Variants in LRIG2 observed in about 807,000 individuals in gnomAD.
LRIG2 encodes the protein leucine rich repeats and immunoglobulin like domains 2.
A neutral mutation model predicts 107.8 loss-of-function variants in LRIG2; 93 were observed. That is an observed-to-expected ratio of 0.86 (90% confidence interval 0.73 to 1.03). The LOEUF (loss-of-function observed/expected upper bound fraction) is 1.03. Ranked by LOEUF, LRIG2 falls within the 50% of genes least tolerant of loss-of-function variation. The probability of loss-of-function intolerance (pLI) is 0.00; values close to 1 mark genes in which losing one functional copy is unlikely to be tolerated. For missense variants in LRIG2, 1,226 were observed against 1,296.0 expected (o/e 0.95, Z 0.83); for synonymous variants, 471 against 470.6 (o/e 1.00, Z -0.01).
At chr1:113,104,812 C>T (rs563539767) in intron 11 of LRIG2, among the ~76,000 whole-genome samples, 5 of 152,224 alleles carry the variant, frequency 3.3e-5, no homozygotes, top group African/African-American at 1.2e-4. Flanking sequence ...ATACTGAATG[C>T]CTCCAAAATC....
intron 1 of LRIG2, among the ~76,000 whole-genome samples, chr1:113,081,314 A>G (rs766805231): frequency 1.1e-4 from 16 of 152,164 alleles, no homozygotes; most frequent in Non-Finnish European, 2.2e-4. Flanking sequence ...ATTAATGAGT[A>G]AGTAGTTGCA....
chr1:113,118,779 C>T (rs1232683003), intron 16 of LRIG2, among the ~76,000 whole-genome samples: 1 of 152,144 alleles, frequency 6.6e-6, no homozygotes, highest in Non-Finnish European at 1.5e-5. Flanking sequence ...ATCTTCCTGC[C>T]TCAGCCTCCC....
chr1:113,115,795 G>T (rs1427731015), intron 15 of LRIG2, among the ~76,000 whole-genome samples: 5 of 152,148 alleles, frequency 3.3e-5, no homozygotes, highest in Admixed American at 6.6e-5. Flanking sequence ...CAGAGGGCTG[G>T]GATTACAAGC....
At position 113,109,146 on chromosome 1, in the gene LRIG2, A is replaced by G. The variant is rs151318295; in HGVS notation, c.1478-1096A>G. 4.5e-4 allele frequency among the ~76,000 whole-genome samples: 68 copies of G among 152,330 alleles called. 1 individual carries two copies. In the East Asian group the frequency reaches 0.012, roughly 27 times the overall value. On this transcript the variant is annotated intron_variant, in intron 12 of 17. Coordinates refer to ENST00000361127, the MANE Select transcript of LRIG2 (RefSeq NM_014813.3). ...CTAGTAAAGGTTAAATTCTGCTGAC[A>G]TTGCCGCACATTCCCTTTTTACTTA... is the stretch of plus-strand genomic sequence containing the variant.
chr1:113,078,935 C>A (rs551942981), intron 1 of LRIG2, among the ~76,000 whole-genome samples: 1 of 152,116 alleles, frequency 6.6e-6, no homozygotes, highest in South Asian at 2.1e-4. Flanking sequence ...CCACCACAAC[C>A]GGCCAGAGGA....
In LRIG2 at chr1:113,123,727, T is replaced by TTGTGTGTGTGTG. The variant is rs66524955; in HGVS notation, c.2972-125_2972-114dup. ...AAAGACCATGTTCTGGTGGTGGTTT[T>TTGTGTGTGTGTG]TGTGTGTGTGTGTGTGTGTGTGTGT... On this transcript the variant is annotated intron_variant, in intron 17 of 17. Coordinates refer to ENST00000361127, the MANE Select transcript of LRIG2 (RefSeq NM_014813.3). 1.6e-3 allele frequency: 976 copies of TTGTGTGTGTGTG among 596,986 alleles called. 2 individuals are homozygous for TTGTGTGTGTGTG. The highest frequency in any genetic ancestry group is 5.6e-3 in the African/African-American group (288 of 51,290). 37.0% of individuals were successfully genotyped at this position (596,986 alleles called of 1,614,324 possible).
rs1415488770 is a variant in LRIG2 at position 113,126,994 on chromosome 1, G to A, written c.*2893G>A. The A allele has an allele frequency of 1.3e-5, 2 of 152,632 alleles. No individual in the cohort carries two copies. The highest frequency in any genetic ancestry group is 2.9e-5 in the Non-Finnish European group (2 of 68,040). 9.5% of individuals were successfully genotyped at this position (152,632 alleles called of 1,614,324 possible). ...AGCTGGAAAGTTGTCTGGCTGTTAT[G>A]ACACAGTATTGAAATACCAGACTGA... On this transcript the variant is annotated 3_prime_UTR_variant, in exon 18 of 18. Coordinates refer to ENST00000361127, the MANE Select transcript of LRIG2 (RefSeq NM_014813.3).
rs553607476 is a variant in LRIG2, at chr1:113,115,817, C to G, written c.2531-470C>G. On this transcript the variant is annotated intron_variant, in intron 15 of 17. Transcript: ENST00000361127. ...CTGGGATTACAAGCGTGAGCCACCA[C>G]GCCCGGCCAAACTTTACTTCTAAAA... is the stretch of plus-strand genomic sequence containing the variant. 9.7e-4 allele frequency among the ~76,000 whole-genome samples: 148 copies of G among 152,320 alleles called. 2 individuals are homozygous for G. In the South Asian group the frequency reaches 0.029, roughly 30 times the overall value.
intron 16 of LRIG2, among the ~76,000 whole-genome samples, chr1:113,118,373 T>A (rs1655106552): frequency 6.6e-6 from 1 of 152,258 alleles, no homozygotes; most frequent in South Asian, 2.1e-4. Context: ...GACTTCTCAT[T>A]GTCAGAAGCT....
In LRIG2 at chr1:113,107,587, C is replaced by G. The variant is rs771599378; in HGVS notation, c.1314-7C>G. On this transcript the variant is annotated splice_polypyrimidine_tract_variant and splice_region_variant and intron_variant, in intron 11 of 17. Coordinates refer to ENST00000361127, the MANE Select transcript of LRIG2 (RefSeq NM_014813.3). The stretch of plus-strand genomic sequence containing the variant: ...AAAGGATGCTTTTCCTCTTTTCTTT[C>G]CTGCAGGATTCTGAACACAAGCAGT... 2 of 1,601,564 alleles carry G rather than the reference C, an allele frequency of 1.2e-6. No homozygotes were observed. Among genetic ancestry groups the G allele is most frequent in the African/African-American group, 2.7e-5 (2 of 74,044 alleles).
At chr1:113,108,114 T>C (rs910950602) in intron 12 of LRIG2, among the ~76,000 whole-genome samples, 1 of 152,202 alleles carries the variant, frequency 6.6e-6, no homozygotes, top group Non-Finnish European at 1.5e-5. Context: ...GTTTCATATT[T>C]TTTGTGTGGT....
intron 16 of LRIG2, among the ~76,000 whole-genome samples, chr1:113,118,680 T>C (rs950547037): frequency 6.6e-6 from 1 of 152,078 alleles, no homozygotes; most frequent in African/African-American, 2.4e-5. Context: ...TTTTTTTTTT[T>C]TGGAGACAGA....
chr1:113,115,273 G>A (rs945980309), intron 15 of LRIG2, among the ~76,000 whole-genome samples: 3 of 152,214 alleles, frequency 2.0e-5, no homozygotes, highest in African/African-American at 4.8e-5. Flanking sequence ...AGAGTGTATC[G>A]GTACATTCAT....
At chr1:113,100,715 A>G (rs1654270789) in intron 11 of LRIG2, 1 of 387,756 alleles carries the variant, frequency 2.6e-6, no homozygotes, top group Non-Finnish European at 4.9e-6. Flanking sequence ...TGCCTGTTCT[A>G]CCAATGCTTA....
At chr1:113,105,131 G>A (rs1443252601) in intron 11 of LRIG2, among the ~76,000 whole-genome samples, 1 of 152,100 alleles carries the variant, frequency 6.6e-6, no homozygotes, top group Non-Finnish European at 1.5e-5. Flanking sequence ...GGGTGACAGA[G>A]CAAGACTCTG....
In LRIG2 at chr1:113,112,615, G is replaced by A. The variant is rs142404653; in HGVS notation, c.1935G>A (p.Ala645=). 33 of 1,614,010 alleles carry A rather than the reference G, an allele frequency of 2.0e-5. No homozygotes were observed. Among genetic ancestry groups the A allele is most frequent in the South Asian group, 5.5e-5 (5 of 91,086 alleles). ...AAGATGGTGGTACTGACTTTCCTGC[G>A]GCTCGAGAAAGACGCATGCACGTCA... ...WQKDGGTDFP[A]ARERRMHVMP... The change falls in exon 14 of 18, where the codon GCG becomes GCA. Residue 645 remains alanine (A), a synonymous_variant. Transcript: ENST00000361127.
In LRIG2 at chr1:113,126,406, CT is replaced by C. The variant is rs1480459818; in HGVS notation, c.*2306del. 6.3e-6 allele frequency: 1 copy of C among 157,496 alleles called. No homozygotes were observed. The highest frequency in any genetic ancestry group is 1.4e-5 in the Non-Finnish European group (1 of 70,404). The allele number at this position is 157,496 out of a possible 1,614,324, so 9.8% of individuals were successfully genotyped here. ...GTAAGTGGAACTTTCATTAATACTTCTGTCGCACTTTGTACCTGACCTAGGT... is the reference window on the plus strand; with the variant it reads ...GTAAGTGGAACTTTCATTAATACTTCGTCGCACTTTGTACCTGACCTAGGT... On this transcript the variant is annotated 3_prime_UTR_variant, in exon 18 of 18. Coordinates refer to ENST00000361127, the MANE Select transcript of LRIG2 (RefSeq NM_014813.3).
intron 1 of LRIG2, among the ~76,000 whole-genome samples, chr1:113,082,947 C>CACCTGGCT (rs1209494629): frequency 1.3e-5 from 2 of 151,748 alleles, no homozygotes; most frequent in East Asian, 1.9e-4. Flanking sequence ...TGAGCCACCA[C>CACCTGGCT]GCCCAGGCTG....
At chr1:113,074,048 A>G (rs1435108942) in intron 1 of LRIG2, among the ~76,000 whole-genome samples, 1 of 151,852 alleles carries the variant, frequency 6.6e-6, no homozygotes, top group African/African-American at 2.4e-5. Context: ...TTTGGTGTGT[A>G]CCTCAGACTT....
Sources: allele counts gnomAD v4.1 joint callset (sites outside exome capture counted in the v4.1 genomes callset), GRCh38; gene constraint gnomAD v4.1.1; transcripts MANE v1.5; gene names NCBI Gene and HGNC (gene_info 2026-07-23, HGNC 2026-07-21).